Variants in SPAG9 observed in about 807,000 individuals in gnomAD.
The protein encoded by SPAG9 is sperm associated antigen 9, also known as C-Jun-amino-terminal kinase-interacting protein 4.
Under a neutral mutation model 166.5 loss-of-function variants are expected in SPAG9, and 35 were observed. That is an observed-to-expected ratio of 0.21 (90% confidence interval 0.16 to 0.28). SPAG9 has a LOEUF of 0.28. Among genes scored for constraint, SPAG9 ranks in the 10% least tolerant of loss-of-function variants. The probability of loss-of-function intolerance (pLI) is 1.00; values close to 1 mark genes in which losing one functional copy is unlikely to be tolerated. For synonymous variants in SPAG9, 534 were observed against 565.5 expected (o/e 0.94, Z 0.79); for missense variants, 1,235 against 1,603.3 (o/e 0.77, Z 3.92).
At chr17:50,974,697 TTAGG>T in intron 28 of SPAG9, 70 bp downstream of exon 28, 1 of 1,326,416 alleles carries the variant, frequency 7.5e-7, no homozygotes. Context: ...CCTTAGACTA[TTAGG>T]TAGTGGAACC....
In SPAG9 at chr17:51,120,031, T is replaced by C. The variant is rs1335345556; in HGVS notation, c.303+323A>G. Reference sequence around the variant, plus strand: ...ATCCCACGGTGGTCGGAAACTTCCCTCAACAAGAAGCAACCAGACACCCAA... The same window carrying C: ...ATCCCACGGTGGTCGGAAACTTCCCCCAACAAGAAGCAACCAGACACCCAA... On this transcript the variant is annotated intron_variant, in intron 1 of 29. Coordinates refer to ENST00000262013, the MANE Select transcript of SPAG9 (RefSeq NM_001130528.3). This position sits in a 1 kb window ranked among gnomAD's most constrained non-coding sequence, Gnocchi z 4.7. Among the ~76,000 whole-genome samples, 2 of 152,010 alleles carry C rather than the reference T, an allele frequency of 1.3e-5. No individual in the cohort carries two copies. Among genetic ancestry groups the C allele is most frequent in the Non-Finnish European group, 2.9e-5 (2 of 67,992 alleles).
At chr17:51,110,029 C>T (rs185672141) in intron 1 of SPAG9, among the ~76,000 whole-genome samples, 12 of 152,138 alleles carry the variant, frequency 7.9e-5, no homozygotes, top group Admixed American at 3.3e-4. Flanking sequence ...TGTTCTCAAA[C>T]GTAAATAATA....
chr17:50,991,380 G>C (rs916779084), intron 19 of SPAG9, among the ~76,000 whole-genome samples: 1 of 151,820 alleles, frequency 6.6e-6, no homozygotes, highest in South Asian at 2.1e-4. Flanking sequence ...GGTTGATTAA[G>C]ATATTAGTAA....
At chr17:51,084,351 T>G (rs1163609240) in intron 1 of SPAG9, 1 of 152,154 alleles carries the variant, frequency 6.6e-6, no homozygotes, top group Non-Finnish European at 1.5e-5. Context: ...GATGCTCCCT[T>G]GGCTAACTTA....
chr17:51,088,532 C>T (rs1345917644), intron 1 of SPAG9, among the ~76,000 whole-genome samples: 2 of 152,152 alleles, frequency 1.3e-5, no homozygotes, highest in African/African-American at 4.8e-5. Context: ...CACAGTGGCT[C>T]ACACCTGTAA....
intron 24 of SPAG9, among the ~76,000 whole-genome samples, chr17:50,983,555 T>A (rs1399839007): frequency 6.6e-6 from 1 of 152,236 alleles, no homozygotes; most frequent in East Asian, 1.9e-4. Flanking sequence ...CTTTAGGTAA[T>A]TCTCACTCTT....
At chr17:51,055,810 G>A (rs2047348457) in intron 3 of SPAG9, among the ~76,000 whole-genome samples, 1 of 152,078 alleles carries the variant, frequency 6.6e-6, no homozygotes, top group African/African-American at 2.4e-5. Flanking sequence ...AAAGCAACAT[G>A]AAAGGCTGAC....
intron 19 of SPAG9, 61 bp from the exon 20 acceptor site, chr17:50,990,729 T>A: frequency 2.2e-6 from 3 of 1,351,756 alleles, no homozygotes; most frequent in South Asian, 1.2e-5. Context: ...TTTTTTTTAC[T>A]AAAACAATTA....
intron 15 of SPAG9, among the ~76,000 whole-genome samples, chr17:50,997,977 T>C (rs1253194823): frequency 6.6e-6 from 1 of 151,826 alleles, no homozygotes; most frequent in Non-Finnish European, 1.5e-5. Flanking sequence ...ATAAAAACTT[T>C]TGACTACAAG....
chr17:51,011,861 A>G (rs1197707849), intron 9 of SPAG9, among the ~76,000 whole-genome samples: 1 of 152,240 alleles, frequency 6.6e-6, no homozygotes, highest in African/African-American at 2.4e-5. Context: ...AAACCAAAGC[A>G]TCAGGATATT....
At chr17:51,032,934 CA>C (rs964152967) in intron 5 of SPAG9, among the ~76,000 whole-genome samples, 1 of 147,714 alleles carries the variant, frequency 6.8e-6, no homozygotes, top group Non-Finnish European at 1.5e-5. Flanking sequence ...AACTCCATCT[CA>C]AAAAAAAATA....
chr17:51,013,938 A>G (rs1333368429), intron 9 of SPAG9, among the ~76,000 whole-genome samples: 1 of 151,958 alleles, frequency 6.6e-6, no homozygotes, highest in African/African-American at 2.4e-5. Context: ...ACACATCACC[A>G]TGTTCTTATG....
At chr17:50,981,507 TAGATAGATAGATAGA>T (rs1567959362) in intron 25 of SPAG9, among the ~76,000 whole-genome samples, 3 of 149,636 alleles carry the variant, frequency 2.0e-5, no homozygotes, top group Non-Finnish European at 4.5e-5. Flanking sequence ...GATAGATAGA[TAGATAGATAGATAGA>T]TAGATAGAAA....
chr17:51,009,815 C>T (rs769944806), intron 9 of SPAG9, among the ~76,000 whole-genome samples: 4 of 151,976 alleles, frequency 2.6e-5, no homozygotes, highest in South Asian at 2.1e-4. Flanking sequence ...AAAGCCTTTC[C>T]GAGATGGCAA....
intron 28 of SPAG9, among the ~76,000 whole-genome samples, chr17:50,971,668 G>A (rs1029685115): frequency 1.3e-5 from 2 of 151,834 alleles, no homozygotes; most frequent in Non-Finnish European, 2.9e-5. Flanking sequence ...CACCGTGTTA[G>A]CCAGGATGGT....
intron 1 of SPAG9, among the ~76,000 whole-genome samples, chr17:51,116,648 T>C (rs1255064726): frequency 6.6e-6 from 1 of 152,000 alleles, no homozygotes; most frequent in Non-Finnish European, 1.5e-5. Flanking sequence ...TCTGTGGTCC[T>C]AGCTACTCAG....
intron 2 of SPAG9, among the ~76,000 whole-genome samples, chr17:51,067,719 A>AT (rs2047712854): frequency 6.6e-6 from 1 of 152,070 alleles, no homozygotes; most frequent in Non-Finnish European, 1.5e-5. Flanking sequence ...AAAAAAAAAA[A>AT]GGCAAATCAT....
intron 1 of SPAG9, among the ~76,000 whole-genome samples, chr17:51,107,705 C>T (rs2144764142): frequency 6.6e-6 from 1 of 151,220 alleles, no homozygotes; most frequent in African/African-American, 2.4e-5. Context: ...CCATTGCACT[C>T]CAGCCTGGGC....
chr17:51,026,674 CT>C (rs35339612), intron 6 of SPAG9, among the ~76,000 whole-genome samples: 31,574 of 123,904 alleles, frequency 0.25, 3,392 homozygotes, highest in Admixed American at 0.34. Context: ...TTTTTCTTTT[CT>C]TTTTTTTTTT....
Sources: gnomAD v4.1 joint callset for allele counts (sites outside exome capture counted in the v4.1 genomes callset) on GRCh38, gnomAD v4.1.1 for gene constraint, Gnocchi (gnomAD v3.1) non-coding constraint, MANE v1.5 for transcripts, NCBI Gene and HGNC (gene_info 2026-07-23, HGNC 2026-07-21) for gene names.